Variants in EXO5 observed in about 807,000 individuals in gnomAD.
EXO5 encodes the protein exonuclease V.
A neutral mutation model predicts 17.8 loss-of-function variants in EXO5; 11 were observed. That is an observed-to-expected ratio of 0.62 (90% CI 0.39 to 1.02). The LOEUF (loss-of-function observed/expected upper bound fraction) is 1.02. EXO5 is among the 50% of genes least tolerant of loss of function. The probability of loss-of-function intolerance (pLI) is 0.00; values close to 1 mark genes in which losing one functional copy is unlikely to be tolerated. For missense variants in EXO5, 364 were observed against 434.8 expected, an observed-to-expected ratio of 0.84 and a Z score of 1.45; for synonymous variants, 147 against 166.5, an observed-to-expected ratio of 0.88 and a Z score of 0.90.
Position 40,515,812 on chromosome 1 carries a change from GTC to G in EXO5, c.*147_*148del. ...TTTCCACAACCTCTAACCACATTCA[GTC>G]CAGGACCAAGGCTCAGGGATGAGTG... On this transcript the variant is annotated 3_prime_UTR_variant, in exon 4 of 4. Coordinates refer to ENST00000415550, the MANE Select transcript of EXO5 (RefSeq NM_001346953.2). The G allele has an allele frequency of 1.3e-6, 1 of 799,258 alleles. No homozygotes were observed. The highest frequency in any genetic ancestry group is 2.7e-5 in the East Asian group (1 of 37,134). The allele number at this position is 799,258 out of a possible 1,614,324, so 49.5% of individuals were successfully genotyped here. A position where few individuals can be genotyped will look rare whatever the true frequency, so the allele number is the denominator to read the frequency against.
Position 40,515,151 on chromosome 1 carries a change from C to T in EXO5, c.607C>T (p.Pro203Ser). The change falls in exon 4 of 4, where the codon CCT becomes TCT. Residue 203 changes from proline to serine, a missense_variant. By Grantham distance (74) the Pro-to-Ser change is moderately conservative. Coordinates refer to ENST00000415550, the MANE Select transcript of EXO5 (RefSeq NM_001346953.2). ...ELAELKTRRR[P>S]MLPLEAQKKK... Reference sequence around the variant, plus strand: ...GGCGGAACTCAAGACACGCAGGCGCCCTATGCTCCCTCTGGAAGCTCAGAA... The same window carrying T: ...GGCGGAACTCAAGACACGCAGGCGCTCTATGCTCCCTCTGGAAGCTCAGAA... 2 of 1,614,054 alleles carry T rather than the reference C, an allele frequency of 1.2e-6. No homozygotes were observed. Among genetic ancestry groups the T allele is most frequent in the Non-Finnish European group, 1.7e-6 (2 of 1,180,010 alleles).
Position 40,514,776 on chromosome 1 carries a change from C to A in EXO5, c.232C>A (p.Leu78Ile). The change falls in exon 4 of 4, where the codon CTT (leucine) becomes ATT (isoleucine). Residue 78 changes from leucine to isoleucine, a missense_variant. By Grantham distance (5) the Leu-to-Ile change is conservative. Transcript: ENST00000415550. ...DILSPMERFHLKYLYVTDLAT... is the reference protein window; with the variant it reads ...DILSPMERFHIKYLYVTDLAT... Reference sequence around the variant, plus strand: ...ATTATCACCCATGGAGAGATTCCACCTTAAATATTTATATGTCACTGACCT... The same window carrying A: ...ATTATCACCCATGGAGAGATTCCACATTAAATATTTATATGTCACTGACCT... 6.2e-7 allele frequency: 1 copy of A among 1,614,150 alleles called. No individual in the cohort carries two copies. The highest frequency in any genetic ancestry group is 8.5e-7 in the Non-Finnish European group (1 of 1,180,022).
At chr1:40,510,872 T>C (rs1015996574) in intron 3 of EXO5, among the ~76,000 whole-genome samples, 39 of 152,334 alleles carry the variant, frequency 2.6e-4, no homozygotes, top group African/African-American at 8.9e-4. Flanking sequence ...AATAAAATAT[T>C]TTAAGGTTAT....
chr1:40,512,079 G>C (rs748343123), intron 3 of EXO5, among the ~76,000 whole-genome samples: 1 of 152,030 alleles, frequency 6.6e-6, no homozygotes, highest in Non-Finnish European at 1.5e-5. Context: ...AGGTTTCACC[G>C]TGTTAGTCAG....
chr1:40,512,891 C>T lies in EXO5; in HGVS notation c.-30-1624C>T, dbSNP rs562910167. Among the ~76,000 whole-genome samples, 3 of 152,304 alleles carry T rather than the reference C, an allele frequency of 2.0e-5. No individual in the cohort carries two copies. The East Asian group carries it at 5.8e-4, about 29-fold the overall frequency. On this transcript the variant is annotated intron_variant, in intron 3 of 3. Transcript: ENST00000415550. Reference sequence around the variant, plus strand: ...TCGGCCTCCCAAAGTGCCGAGATTACAGGCTTTAGCCACTGTACCCGGCCT... The same window carrying T: ...TCGGCCTCCCAAAGTGCCGAGATTATAGGCTTTAGCCACTGTACCCGGCCT...
chr1:40,510,194 C>CTT (rs11292573), intron 3 of EXO5, among the ~76,000 whole-genome samples: 85 of 150,414 alleles, frequency 5.7e-4, no homozygotes, highest in Middle Eastern at 3.4e-3. Context: ...TTTTTACTTA[C>CTT]TTTTTTTTTT....
rs1645845077 is a variant in EXO5 at position 40,514,674 on chromosome 1, C to G, written c.130C>G (p.Pro44Ala). The part of the protein sequence containing the change: ...AQESKALVNM[P>A]GPSSESLGKD... ...AGAGTCAAAGGCTTTAGTTAACATG[C>G]CTGGCCCATCTTCTGAATCCCTTGG... Residue 44 changes from proline to alanine, a missense_variant, in exon 4 of 4, where the codon CCT becomes GCT. By Grantham distance (27) the Pro-to-Ala change is conservative. Coordinates refer to ENST00000415550, the MANE Select transcript of EXO5 (RefSeq NM_001346953.2). 2.5e-6 allele frequency: 4 copies of G among 1,614,150 alleles called. No individual in the cohort carries two copies. The highest frequency in any genetic ancestry group is 4.5e-5 in the East Asian group (2 of 44,886).
Position 40,515,117 on chromosome 1 carries a change from A to T in EXO5, c.573A>T (p.Glu191Asp), listed in dbSNP as rs777152847. The T allele has an allele frequency of 1.2e-6, 2 of 1,614,120 alleles. No homozygotes were observed. The change falls in exon 4 of 4, where the codon GAA becomes GAT. Residue 191 changes from glutamate (E) to aspartate (D), a missense_variant. By Grantham distance (45) the Glu-to-Asp change is conservative. Transcript: ENST00000415550. ...IDELHYTAKG[E>D]LELAELKTRR... is the part of the protein sequence containing the mutation. ...AGCTGCACTATACAGCCAAGGGGGA[A>T]CTGGAGCTGGCGGAACTCAAGACAC...
Position 40,515,463 on chromosome 1 carries a change from A to T in EXO5, c.919A>T (p.Ile307Phe). The T allele has an allele frequency of 6.2e-7, 1 of 1,613,646 alleles. No homozygotes were observed. Among genetic ancestry groups the T allele is most frequent in the Non-Finnish European group, 8.5e-7 (1 of 1,179,902 alleles). ...QETATVLGTE[I>F]VAFKEKEVRA... Reference sequence around the variant, plus strand: ...GACTGCCACTGTGCTGGGTACTGAGATTGTAGCCTTCAAAGAGAAGGAGGT... The same window carrying T: ...GACTGCCACTGTGCTGGGTACTGAGTTTGTAGCCTTCAAAGAGAAGGAGGT... Residue 307 changes from isoleucine (I) to phenylalanine (F), a missense_variant, in exon 4 of 4, where the codon ATT becomes TTT. Ile to Phe is a conservative substitution (Grantham distance 21). Coordinates refer to ENST00000415550, the MANE Select transcript of EXO5 (RefSeq NM_001346953.2).
intron 3 of EXO5, among the ~76,000 whole-genome samples, chr1:40,511,909 C>T (rs1011188148): frequency 8.0e-5 from 12 of 150,538 alleles, no homozygotes; most frequent in African/African-American, 2.9e-4. Flanking sequence ...GACGGAGTCT[C>T]GCTCTGTTGC....
chr1:40,515,246 C>T lies in EXO5; in HGVS notation c.702C>T (p.Thr234=). The change falls in exon 4 of 4, where the codon ACC becomes ACT. Residue 234 remains threonine, a synonymous_variant. Transcript: ENST00000415550. ...IFDAMVQGKV[T]PASLIHHTKL... ...ATGCCATGGTACAAGGAAAAGTGAC[C>T]CCTGCTAGCCTAATCCACCACACAA... 6.2e-7 allele frequency: 1 copy of T among 1,613,890 alleles called. No individual in the cohort carries two copies. Among genetic ancestry groups the T allele is most frequent in the South Asian group, 1.1e-5 (1 of 91,064 alleles).
At position 40,508,970 on chromosome 1, in the gene EXO5, T is replaced by G. The variant is rs1395050965; in HGVS notation, c.-264+62T>G. 2.0e-5 allele frequency: 3 copies of G among 152,204 alleles called. No individual in the cohort carries two copies. Among genetic ancestry groups the G allele is most frequent in the Non-Finnish European group, 2.9e-5 (2 of 68,070 alleles). The allele number at this position is 152,204 out of a possible 1,614,324, so 9.4% of individuals were successfully genotyped here. On this transcript the variant is annotated intron_variant, in intron 1 of 3. Coordinates refer to ENST00000415550, the MANE Select transcript of EXO5 (RefSeq NM_001346953.2). This position sits in a 1 kb window ranked among gnomAD's most constrained non-coding sequence, Gnocchi z 4.2. ...GTTTCGGAGCTTAGGGTTCTGTCCC[T>G]GCGATCGCCGCGTCTCCCTCCCTTG...
intron 3 of EXO5, among the ~76,000 whole-genome samples, chr1:40,513,292 A>G (rs753163327): frequency 1.3e-5 from 2 of 152,150 alleles, no homozygotes; most frequent in Non-Finnish European, 2.9e-5. Context: ...GTGTTAGACT[A>G]TATTTATTTG....
At position 40,515,374 on chromosome 1, in the gene EXO5, TGTCTC is replaced by T. The variant is rs1391932911; in HGVS notation, c.831_835del (p.Leu277PhefsTer10). On this transcript the variant is annotated frameshift_variant, in exon 4 of 4. Coordinates refer to ENST00000415550, the MANE Select transcript of EXO5 (RefSeq NM_001346953.2). LOFTEE classifies it high-confidence loss of function. ...GGTGACCTCATGGAACTTGTCTTCT[TGTCTC>T]TAACACTGTCAGACCTCCCAGTTAT... is the stretch of plus-strand genomic sequence containing the variant. The T allele has an allele frequency of 3.7e-6, 6 of 1,613,970 alleles. No homozygotes were observed.
intron 3 of EXO5, among the ~76,000 whole-genome samples, chr1:40,513,287 A>G (rs1645814440): frequency 6.6e-6 from 1 of 152,170 alleles, no homozygotes; most frequent in Non-Finnish European, 1.5e-5. Context: ...AATTTGTGTT[A>G]GACTATATTT....
chr1:40,509,099 C>G (rs902064565), intron 1 of EXO5, 191 bp downstream of exon 1: 1 of 152,306 alleles, frequency 6.6e-6, no homozygotes, highest in Non-Finnish European at 1.5e-5. Context: ...GCCGGGACTC[C>G]TTCCCGAGGT....
chr1:40,515,080 G>C lies in EXO5; in HGVS notation c.536G>C (p.Gly179Ala), dbSNP rs752688802. The C allele has an allele frequency of 6.2e-7, 1 of 1,614,142 alleles. No homozygotes were observed. The highest frequency in any genetic ancestry group is 1.1e-5 in the South Asian group (1 of 91,076). Residue 179 changes from glycine to alanine, a missense_variant, in exon 4 of 4, where the codon GGA (glycine) becomes GCA (alanine). Gly to Ala is a moderately conservative substitution (Grantham distance 60). Coordinates refer to ENST00000415550, the MANE Select transcript of EXO5 (RefSeq NM_001346953.2). Reference protein sequence around the residue: ...FGEGEGVLLVGVIDELHYTAK... With the variant: ...FGEGEGVLLVAVIDELHYTAK... ...GAAGGGGAGGGTGTACTTCTTGTTG[G>C]AGTGATTGATGAGCTGCACTATACA...
rs779443859 is a variant in EXO5, at chr1:40,515,523, A to T, written c.979A>T (p.Met327Leu). Reference sequence around the variant, plus strand: ...GGTGCAGCATTATATGGCCTACTGGATGGGCCACCGAGAGCCCCAGGGAGT... The same window carrying T: ...GGTGCAGCATTATATGGCCTACTGGTTGGGCCACCGAGAGCCCCAGGGAGT... ...AKVQHYMAYWMGHREPQGVDV... is the reference protein window; with the variant it reads ...AKVQHYMAYWLGHREPQGVDV... The change falls in exon 4 of 4, where the codon ATG becomes TTG. Residue 327 changes from methionine to leucine, a missense_variant. Transcript: ENST00000415550. 6.2e-7 allele frequency: 1 copy of T among 1,610,592 alleles called. No individual in the cohort carries two copies. Among genetic ancestry groups the T allele is most frequent in the South Asian group, 1.1e-5 (1 of 90,814 alleles).
Position 40,515,200 on chromosome 1 carries a change from G to C in EXO5, c.656G>C (p.Ser219Thr), listed in dbSNP as rs1645863081. The C allele has an allele frequency of 6.2e-7, 1 of 1,613,988 alleles. No individual in the cohort carries two copies. Among genetic ancestry groups the C allele is most frequent in the African/African-American group, 1.3e-5 (1 of 74,900 alleles). ...AAGAAGAAAGACTGTTTTCAAGTCAGCCTATACAAATATATCTTTGATGCC... is the reference window on the plus strand; with the variant it reads ...AAGAAGAAAGACTGTTTTCAAGTCACCCTATACAAATATATCTTTGATGCC... ...AQKKKDCFQV[S>T]LYKYIFDAMV... The change falls in exon 4 of 4, where the codon AGC (serine) becomes ACC (threonine). Residue 219 changes from serine to threonine, a missense_variant. Ser to Thr is a moderately conservative substitution (Grantham distance 58, BLOSUM62 1). Coordinates refer to ENST00000415550, the MANE Select transcript of EXO5 (RefSeq NM_001346953.2).
Sources: allele counts gnomAD v4.1 joint callset (sites outside exome capture counted in the v4.1 genomes callset), GRCh38; gene constraint gnomAD v4.1.1; non-coding constraint Gnocchi (gnomAD v3.1); transcripts MANE v1.5; gene names NCBI Gene and HGNC (gene_info 2026-07-23, HGNC 2026-07-21).